COG7: variants seen among roughly 807,000 people sequenced by gnomAD.
COG7 encodes conserved oligomeric Golgi complex subunit 7.
A neutral mutation model predicts 91.5 loss-of-function variants in COG7; 49 were observed. That is an observed-to-expected ratio of 0.54 (90% CI 0.43 to 0.68). The LOEUF is 0.68. Ranked by LOEUF, COG7 falls within the 30% of genes least tolerant of loss-of-function variation. The pLI, the probability that COG7 is intolerant of heterozygous loss-of-function variation, is 0.00. For synonymous variants in COG7, 365 were observed against 388.7 expected (o/e 0.94, Z 0.72); for missense variants, 895 against 961.3 (o/e 0.93, Z 0.91).
At chr16:23,449,380 T>TAAAATAAAA (rs1964229729) in intron 1 of COG7, among the ~76,000 whole-genome samples, 4 of 134,658 alleles carry the variant, frequency 3.0e-5, no homozygotes, top group African/African-American at 1.1e-4. Flanking sequence ...TAAAATTAAA[T>TAAAATAAAA]TAAAATAAAA....
intron 1 of COG7, among the ~76,000 whole-genome samples, chr16:23,451,455 A>G (rs901443654): frequency 6.6e-6 from 1 of 152,136 alleles, no homozygotes; most frequent in African/African-American, 2.4e-5. Context: ...GGCTCACACC[A>G]GTAATCCTAG....
At chr16:23,410,771 T>A (rs557199759) in intron 10 of COG7, among the ~76,000 whole-genome samples, 17 of 152,340 alleles carry the variant, frequency 1.1e-4, no homozygotes, top group African/African-American at 3.8e-4. Context: ...AATGGCGTCA[T>A]CTTGGCTCAC....
At chr16:23,410,934 C>T (rs1445421571) in intron 10 of COG7, among the ~76,000 whole-genome samples, 3 of 152,054 alleles carry the variant, frequency 2.0e-5, no homozygotes, top group Non-Finnish European at 4.4e-5. Context: ...CTCAAACTCC[C>T]GACCTTAAGT....
intron 4 of COG7, among the ~76,000 whole-genome samples, chr16:23,437,274 A>G (rs1964027307): frequency 6.6e-6 from 1 of 152,182 alleles, no homozygotes; most frequent in Non-Finnish European, 1.5e-5. Flanking sequence ...CCCAGAAGCC[A>G]GCTCACTCAG....
intron 1 of COG7, among the ~76,000 whole-genome samples, chr16:23,452,563 GAGAA>G (rs982772688): frequency 3.3e-5 from 5 of 152,128 alleles, no homozygotes; most frequent in East Asian, 3.9e-4. Context: ...AAAAAACAAA[GAGAA>G]AGAAAGAAAA....
intron 14 of COG7, chr16:23,393,668 T>C (rs1458640550): frequency 2.7e-6 from 1 of 366,728 alleles, no homozygotes; most frequent in African/African-American, 2.1e-5. Flanking sequence ...TGTGTAAATA[T>C]AAGTATTATT....
chr16:23,433,404 T>C (rs1963963814), intron 6 of COG7, 141 bp downstream of exon 6: 1 of 1,125,230 alleles, frequency 8.9e-7, no homozygotes, highest in African/African-American at 1.5e-5. Flanking sequence ...CTGGTTATTT[T>C]TTAACCCCTT....
intron 7 of COG7, among the ~76,000 whole-genome samples, chr16:23,421,949 G>C (rs1963764163): frequency 6.6e-6 from 1 of 151,940 alleles, no homozygotes; most frequent in Non-Finnish European, 1.5e-5. Context: ...GGAATAATCG[G>C]AGCTAGGCTC....
intron 4 of COG7, among the ~76,000 whole-genome samples, chr16:23,436,243 T>C (rs1964011932): frequency 6.6e-6 from 1 of 152,112 alleles, no homozygotes; most frequent in Non-Finnish European, 1.5e-5. Flanking sequence ...TTCTATAAAT[T>C]GGGTTTGACC....
intron 1 of COG7, among the ~76,000 whole-genome samples, chr16:23,448,089 A>T (rs1964210707): frequency 6.6e-6 from 1 of 152,080 alleles, no homozygotes. Flanking sequence ...GGGGTCCTCA[A>T]CATGTGCTTG....
rs920962251 is a variant in COG7 at position 23,453,181 on chromosome 16, A to AT, written c.-188dup. 2.7e-5 allele frequency: 36 copies of AT among 1,343,902 alleles called. No individual in the cohort carries two copies. The African/African-American group carries it at 4.9e-4, about 18-fold the overall frequency. The allele number at this position is 1,343,902 out of a possible 1,614,324, so 83.2% of individuals were successfully genotyped here. On this transcript the variant is annotated 5_prime_UTR_variant, in exon 1 of 17. Coordinates refer to ENST00000307149, the MANE Select transcript of COG7 (RefSeq NM_153603.4). ...CAGCGCACTCAGTTTGCGGCTGGGA[A>AT]TGACCCTCGCCGCCCGCCGTTCTTC... is the stretch of plus-strand genomic sequence containing the variant.
At chr16:23,431,048 T>A (rs1596944337) in intron 6 of COG7, among the ~76,000 whole-genome samples, 2 of 151,960 alleles carry the variant, frequency 1.3e-5, no homozygotes, top group African/African-American at 2.4e-5. Context: ...AAAATAATTT[T>A]AAAAAATAAG....
At chr16:23,418,046 C>T (rs1445835730) in intron 8 of COG7, among the ~76,000 whole-genome samples, 2 of 152,206 alleles carry the variant, frequency 1.3e-5, no homozygotes, top group African/African-American at 2.4e-5. Flanking sequence ...AGTGAACCTG[C>T]CCCTGCAGCA....
Position 23,408,841 on chromosome 16 carries a change from G to A in COG7, c.1475+1454C>T, listed in dbSNP as rs75975224. ...ACATTCTGAAGGGTAAGGAGAGACT[G>A]GTTAGGAGCACGAATGGGGACACAA... On this transcript the variant is annotated intron_variant, in intron 11 of 16. Transcript: ENST00000307149. Among the ~76,000 whole-genome samples the A allele has an allele frequency of 9.2e-5, 14 of 152,048 alleles. No individual in the cohort carries two copies. The East Asian group carries it at 2.7e-3, about 29-fold the overall frequency.
chr16:23,445,869 T>A lies in COG7; in HGVS notation c.262A>T (p.Ile88Phe). ...TTTTTAATGTCCTCCTTGACAAGAA[T>A]CATCTGTTCTTTCAGGAAAGATGCC... ...QEASFLKEQM[I>F]LVKEDIKKFE... Residue 88 changes from isoleucine (I) to phenylalanine (F), a missense_variant, in exon 2 of 17, where the codon ATT becomes TTT. Ile to Phe is a conservative substitution (Grantham distance 21). Transcript: ENST00000307149. 6.2e-7 allele frequency: 1 copy of A among 1,613,626 alleles called. No individual in the cohort carries two copies. Among genetic ancestry groups the A allele is most frequent in the East Asian group, 2.2e-5 (1 of 44,850 alleles).
Position 23,424,755 on chromosome 16 carries a change from G to T in COG7, c.1003C>A (p.His335Asn). ...AKGLEMALLP[H>N]LHEHNLVKVT... ...GGCAGGAAGGAATGTTTACGTAGGT[G>T]GGGGAGCAGTGCCATCTCCAAGCCC... Residue 335 changes from histidine (H) to asparagine (N), a missense_variant, in exon 7 of 17, where the codon CAC becomes AAC. Transcript: ENST00000307149. 5 of 1,614,114 alleles carry T rather than the reference G, an allele frequency of 3.1e-6. No individual in the cohort carries two copies. Among genetic ancestry groups the T allele is most frequent in the East Asian group, 2.2e-5 (1 of 44,882 alleles).
At chr16:23,415,999 C>T (rs773868851) in intron 9 of COG7, 1 of 152,010 alleles carries the variant, frequency 6.6e-6, no homozygotes, top group Non-Finnish European at 1.5e-5. Context: ...AGTTTGAATG[C>T]TTAATATGGA....
At chr16:23,409,488 C>T (rs896556335) in intron 11 of COG7, among the ~76,000 whole-genome samples, 21 of 152,084 alleles carry the variant, frequency 1.4e-4, no homozygotes, top group Non-Finnish European at 2.6e-4. Flanking sequence ...CTTTGTACCA[C>T]CACTAAAAAT....
chr16:23,429,788 G>A (rs1341488710), intron 6 of COG7, among the ~76,000 whole-genome samples: 2 of 151,916 alleles, frequency 1.3e-5, no homozygotes. Context: ...TAAACAAACA[G>A]GTATATTCAC....
Sources: gnomAD v4.1 joint callset for allele counts (sites outside exome capture counted in the v4.1 genomes callset) on GRCh38, gnomAD v4.1.1 for gene constraint, MANE v1.5 for transcripts, NCBI Gene and HGNC (gene_info 2026-07-23, HGNC 2026-07-21) for gene names.